The following SLC17A1 variants were observed in gnomAD, a reference collection of about 807,000 sequenced individuals.
SLC17A1 encodes the protein sodium-dependent phosphate transport protein 1.
SLC17A1 carries 51 observed loss-of-function variants against 53.5 expected under a neutral mutation model. That is an observed-to-expected ratio of 0.95 (90% CI 0.76 to 1.20). The LOEUF (loss-of-function observed/expected upper bound fraction) is 1.20. Ranked by LOEUF, SLC17A1 falls within the 50% of genes most tolerant of loss-of-function variation. SLC17A1 has a pLI of 0.00. For synonymous variants in SLC17A1, 179 were observed against 198.8 expected, an observed-to-expected ratio of 0.90 and a Z score of 0.84; for missense variants, 538 against 568.2, an observed-to-expected ratio of 0.95 and a Z score of 0.54.
intron 6 of SLC17A1, among the ~76,000 whole-genome samples, chr6:25,817,409 G>A (rs1764396970): frequency 6.6e-6 from 1 of 152,188 alleles, no homozygotes; most frequent in Non-Finnish European, 1.5e-5. Flanking sequence ...AAGGTTGTGG[G>A]AGGCAGATAC....
chr6:25,743,619 A>G, the SLC17A1 span, among the ~76,000 whole-genome samples: 1 of 152,192 alleles, frequency 6.6e-6, no homozygotes, highest in African/African-American at 2.4e-5. Context: ...TCAATTAAGT[A>G]GTTTATTAAG....
chr6:25,802,131 A>G (rs962189576), intron 10 of SLC17A1, among the ~76,000 whole-genome samples: 6 of 152,194 alleles, frequency 3.9e-5, no homozygotes, highest in African/African-American at 1.4e-4. Flanking sequence ...TAAAAATATT[A>G]AAAATTATAT....
In SLC17A1 at chr6:25,811,783, CATT is replaced by C. The variant is rs1296006737; in HGVS notation, c.898-16_898-14del. ...ACAAGAACCCATTCTGAAGAGGAAA[CATT>C]ATTCTTGGAGTGAGTTTGATGGGTA... On this transcript the variant is annotated splice_polypyrimidine_tract_variant and intron_variant, in intron 8 of 12. Coordinates refer to ENST00000244527, the MANE Select transcript of SLC17A1 (RefSeq NM_005074.5). 3 of 1,613,242 alleles carry C rather than the reference CATT, an allele frequency of 1.9e-6. No homozygotes were observed. The highest frequency in any genetic ancestry group is 2.5e-6 in the Non-Finnish European group (3 of 1,179,592).
chr6:25,773,790 G>A, the SLC17A1 span: 2 of 1,024,976 alleles, frequency 2.0e-6, no homozygotes, highest in Non-Finnish European at 2.8e-6. Flanking sequence ...GGACCAGGCA[G>A]GACCTCCATA....
chr6:25,824,288 G>T (rs572093711), intron 3 of SLC17A1, among the ~76,000 whole-genome samples: 1 of 151,904 alleles, frequency 6.6e-6, no homozygotes, highest in African/African-American at 2.4e-5. Flanking sequence ...CATTTAAGAA[G>T]TAAGACCATT....
At chr6:25,732,498 G>C in the SLC17A1 span, 1 of 402,084 alleles carries the variant, frequency 2.5e-6, no homozygotes, top group Non-Finnish European at 4.8e-6. Context: ...ATTCAGAGAG[G>C]TTCTGCAGTT....
chr6:25,797,189 G>A (rs1459332776), intron 12 of SLC17A1, among the ~76,000 whole-genome samples: 2 of 152,100 alleles, frequency 1.3e-5, no homozygotes, highest in African/African-American at 2.4e-5. Flanking sequence ...TCCCTTTACA[G>A]CTACCACACC....
intron 6 of SLC17A1, among the ~76,000 whole-genome samples, chr6:25,818,308 ATTCTGATAACTAC>A (rs2151498623): frequency 6.6e-6 from 1 of 152,306 alleles, no homozygotes; most frequent in African/African-American, 2.4e-5. Context: ...CTCCTAATGG[ATTCTGATAACTAC>A]TTCCTTGCTT....
At chr6:25,726,482 T>G in the SLC17A1 span, 3 of 1,613,498 alleles carry the variant, frequency 1.9e-6, no homozygotes, top group South Asian at 2.2e-5. Context: ...GAGCGAGACT[T>G]AGACTTGGCG....
At chr6:25,776,555 G>A in the SLC17A1 span, 28 of 1,557,918 alleles carry the variant, frequency 1.8e-5, no homozygotes, top group Non-Finnish European at 2.3e-5. Context: ...TGGTGGGGGT[G>A]GTAAGGGCAC....
chr6:25,728,284 G>A, the SLC17A1 span, among the ~76,000 whole-genome samples: 2 of 152,108 alleles, frequency 1.3e-5, no homozygotes, highest in Admixed American at 1.3e-4. Flanking sequence ...GATTTAAAAT[G>A]TCCCTTAATT....
intron 12 of SLC17A1, among the ~76,000 whole-genome samples, chr6:25,792,711 A>G (rs995597166): frequency 6.6e-6 from 1 of 152,178 alleles, no homozygotes; most frequent in Non-Finnish European, 1.5e-5. Context: ...AACACTCTTT[A>G]GTTGCTAAAG....
chr6:25,798,807 T>C lies in SLC17A1; in HGVS notation c.1382A>G (p.Glu461Gly), dbSNP rs1379044378. 6.2e-7 allele frequency: 1 copy of C among 1,609,080 alleles called. No individual in the cohort carries two copies. Among genetic ancestry groups the C allele is most frequent in the Admixed American group, 1.7e-5 (1 of 59,978 alleles). Residue 461 changes from glutamate to glycine, a missense_variant, in exon 12 of 13, where the codon GAA becomes GGA. By Grantham distance (98) the Glu-to-Gly change is moderately conservative. Transcript: ENST00000244527. The part of the protein sequence containing the change: ...ATAEIQDWAK[E>G]KQHTRL ...CCTTCAGAGACGTGTGTGTTGTTTTTCTTTAGCCCAGTCCTGAATTTCTGC... is the reference window on the plus strand; with the variant it reads ...CCTTCAGAGACGTGTGTGTTGTTTTCCTTTAGCCCAGTCCTGAATTTCTGC...
chr6:25,781,928 G>A (rs141068302), downstream of SLC17A1, among the ~76,000 whole-genome samples: 41 of 152,296 alleles, frequency 2.7e-4, no homozygotes, highest in East Asian at 6.7e-3. Flanking sequence ...ATATGGGCTC[G>A]AAGAAGGAGT....
chr6:25,770,861 TA>T, the SLC17A1 span: 1 of 1,271,764 alleles, frequency 7.9e-7, no homozygotes, highest in East Asian at 2.3e-5. Flanking sequence ...CTCAGCATTG[TA>T]GAAAGCACAT....
At chr6:25,726,139 C>T in the SLC17A1 span, 15 of 1,534,244 alleles carry the variant, frequency 9.8e-6, no homozygotes, top group Admixed American at 2.3e-4. Flanking sequence ...AAGTTACTTG[C>T]TTTGGGCTTT....
At chr6:25,737,506 C>T in the SLC17A1 span, among the ~76,000 whole-genome samples, 1 of 152,052 alleles carries the variant, frequency 6.6e-6, no homozygotes, top group Non-Finnish European at 1.5e-5. Flanking sequence ...ACTCTAGTCT[C>T]CCTTCTAGCC....
At chr6:25,817,909 T>C (rs936650937) in intron 6 of SLC17A1, among the ~76,000 whole-genome samples, 5 of 152,218 alleles carry the variant, frequency 3.3e-5, no homozygotes, top group Non-Finnish European at 5.9e-5. Flanking sequence ...TGCTGACCAT[T>C]GTCTACTACT....
At chr6:25,797,116 C>T (rs559351728) in intron 12 of SLC17A1, among the ~76,000 whole-genome samples, 1 of 152,324 alleles carries the variant, frequency 6.6e-6, no homozygotes, top group Admixed American at 6.5e-5. Flanking sequence ...ACCTTATATG[C>T]TATTGCATGT....
Sources: gnomAD v4.1 joint callset for allele counts (sites outside exome capture counted in the v4.1 genomes callset) on GRCh38, gnomAD v4.1.1 for gene constraint, MANE v1.5 for transcripts, NCBI Gene and HGNC (gene_info 2026-07-23, HGNC 2026-07-21) for gene names.